CNOT6: variants seen among roughly 807,000 people sequenced by gnomAD.
CNOT6 encodes carbon catabolite repression 4 protein.
Under a neutral mutation model 61.2 loss-of-function variants are expected in CNOT6, and 12 were observed. The observed-to-expected ratio is 0.20, with a 90% CI of 0.13 to 0.32. The LOEUF (loss-of-function observed/expected upper bound fraction) is 0.32. Among genes scored for constraint, CNOT6 ranks in the 10% least tolerant of loss-of-function variants. The pLI is 1.00. For missense variants in CNOT6, 405 were observed against 663.9 expected (o/e 0.61, Z 4.28); for synonymous variants, 225 against 240.6 (o/e 0.94, Z 0.60).
Position 180,567,045 on chromosome 5 carries a change from A to AT in CNOT6, c.718-38dup, listed in dbSNP as rs1760502312. 1.9e-6 allele frequency: 3 copies of AT among 1,556,906 alleles called. No homozygotes were observed. In the East Asian group the frequency reaches 6.8e-5, roughly 35 times the overall value. On this transcript the variant is annotated intron_variant, in intron 7 of 11. Transcript: ENST00000261951. ...TACATAGAAGTTAATATGCAGACTA[A>AT]TTTTTGTCTTATGAAATAACTGTGC...
In CNOT6 at chr5:180,574,557, G is replaced by A. The variant is rs559539969; in HGVS notation, c.*357G>A. On this transcript the variant is annotated 3_prime_UTR_variant, in exon 12 of 12. Transcript: ENST00000261951. ...AAATCTGTAGCACTGCTTTTTTGAGGCCAGTAGCAACATCCAGAGATCATT... is the reference window on the plus strand; with the variant it reads ...AAATCTGTAGCACTGCTTTTTTGAGACCAGTAGCAACATCCAGAGATCATT... 1 of 265,672 alleles carries A rather than the reference G, an allele frequency of 3.8e-6. No homozygotes were observed. 16.5% of individuals were successfully genotyped at this position (265,672 alleles called of 1,614,324 possible).
At chr5:180,500,532 G>T (rs1756827255) in intron 1 of CNOT6, among the ~76,000 whole-genome samples, 1 of 151,686 alleles carries the variant, frequency 6.6e-6, no homozygotes, top group Non-Finnish European at 1.5e-5. Flanking sequence ...CCGCCTCCCG[G>T]GTTCACGCCA....
At position 180,565,917 on chromosome 5, in the gene CNOT6, C is replaced by T; in HGVS notation, c.657C>T (p.Tyr219=). Residue 219 remains tyrosine, a synonymous_variant, in exon 7 of 12, where the codon TAC becomes TAT. Coordinates refer to ENST00000261951, the MANE Select transcript of CNOT6 (RefSeq NM_001370472.1). The part of the protein sequence containing the change: ...YCPSWALNWD[Y]RKKAIIQEIL... ...CATCATGGGCGCTAAACTGGGACTACAGGAAAAAGGCCATTATTCAAGAAA... is the reference window on the plus strand; with the variant it reads ...CATCATGGGCGCTAAACTGGGACTATAGGAAAAAGGCCATTATTCAAGAAA... The T allele has an allele frequency of 1.2e-6, 2 of 1,613,824 alleles. No individual in the cohort carries two copies. Among genetic ancestry groups the T allele is most frequent in the South Asian group, 1.1e-5 (1 of 91,030 alleles).
At chr5:180,533,331 TATATATA>T (rs201902107) in intron 2 of CNOT6, among the ~76,000 whole-genome samples, 24,856 of 119,714 alleles carry the variant, frequency 0.21, 2,526 homozygotes, top group Non-Finnish European at 0.25. Context: ...TATATATATA[TATATATA>T]TATATCACCG....
intron 1 of CNOT6, among the ~76,000 whole-genome samples, chr5:180,527,599 G>T (rs1758158898): frequency 1.3e-5 from 2 of 152,162 alleles, no homozygotes; most frequent in Admixed American, 1.3e-4. Flanking sequence ...AGAGAGGCTG[G>T]ATTTGATTCA....
At chr5:180,562,462 C>G (rs376859851) in intron 4 of CNOT6, among the ~76,000 whole-genome samples, 3 of 152,052 alleles carry the variant, frequency 2.0e-5, no homozygotes, top group Non-Finnish European at 4.4e-5. Flanking sequence ...AAGTCCTGGC[C>G]GGGCGCGGTG....
chr5:180,558,333 T>C (rs11249726), intron 4 of CNOT6, among the ~76,000 whole-genome samples: 72,011 of 151,488 alleles, frequency 0.48, 17,966 homozygotes, highest in Non-Finnish European at 0.56. Context: ...GAATGGAGAG[T>C]CTGGTGCAGG....
chr5:180,500,469 ACT>A (rs1561628417), intron 1 of CNOT6, among the ~76,000 whole-genome samples: 2 of 138,524 alleles, frequency 1.4e-5, no homozygotes, highest in African/African-American at 5.6e-5. Context: ...ATGGAGTCTC[ACT>A]CTGTTGCCCA....
Position 180,502,343 on chromosome 5 carries a change from C to T in CNOT6, c.-3+7580C>T, listed in dbSNP as rs73812320. Among the ~76,000 whole-genome samples the T allele has an allele frequency of 3.7e-3, 558 of 152,254 alleles. 3 individuals are homozygous for T. Among genetic ancestry groups the T allele is most frequent in the African/African-American group, 0.012 (502 of 41,538 alleles). On this transcript the variant is annotated intron_variant, in intron 1 of 11. Transcript: ENST00000261951. ...TATCTGATGTAAAATCATAATATTA[C>T]AATTTTCAGCCTTCAGTTACTAGAA...
At chr5:180,562,739 CA>C (rs905066923) in intron 4 of CNOT6, among the ~76,000 whole-genome samples, 8 of 146,676 alleles carry the variant, frequency 5.5e-5, no homozygotes, top group East Asian at 2.0e-4. Flanking sequence ...GACTCCATCT[CA>C]AAAAAAAAAT....
chr5:180,553,397 TA>T lies in CNOT6; in HGVS notation c.314del (p.Asn105IlefsTer21), dbSNP rs1233060593. 6.2e-7 allele frequency: 1 copy of T among 1,613,420 alleles called. No homozygotes were observed. Among genetic ancestry groups the T allele is most frequent in the Non-Finnish European group, 8.5e-7 (1 of 1,179,640 alleles). On this transcript the variant is annotated frameshift_variant, in exon 4 of 12. Coordinates refer to ENST00000261951, the MANE Select transcript of CNOT6 (RefSeq NM_001370472.1). LOFTEE classifies it high-confidence loss of function. ...GNMVSLRELH[L>X]NNNLLRVLPF... is the part of the protein sequence containing the mutation. ...TTTTACATCAACAGGGAGCTCCATTTAAATAACAACCTGTTACGAGTTCTAC... is the reference window on the plus strand; with the variant it reads ...TTTTACATCAACAGGGAGCTCCATTTAATAACAACCTGTTACGAGTTCTAC...
intron 4 of CNOT6, among the ~76,000 whole-genome samples, chr5:180,555,041 T>G (rs1334890306): frequency 6.6e-6 from 1 of 151,868 alleles, no homozygotes; most frequent in Non-Finnish European, 1.5e-5. Context: ...GAGTCTCTTG[T>G]CGCCCAGGCT....
chr5:180,569,100 T>C lies in CNOT6; in HGVS notation c.1028-10T>C. On this transcript the variant is annotated splice_polypyrimidine_tract_variant and intron_variant, in intron 9 of 11. Transcript: ENST00000261951. Reference sequence around the variant, plus strand: ...TGTCTCTTTCTTTGTTTCGTTTTTATCTAATGTAGCCGGAAAGCCACATCT... The same window carrying C: ...TGTCTCTTTCTTTGTTTCGTTTTTACCTAATGTAGCCGGAAAGCCACATCT... The C allele has an allele frequency of 5.0e-6, 8 of 1,602,226 alleles. No homozygotes were observed. The highest frequency in any genetic ancestry group is 6.8e-6 in the Non-Finnish European group (8 of 1,170,190).
chr5:180,525,576 C>T (rs1433369570), intron 1 of CNOT6, among the ~76,000 whole-genome samples: 2 of 151,706 alleles, frequency 1.3e-5, no homozygotes, highest in African/African-American at 4.8e-5. Context: ...TTCCTGTCAG[C>T]AGGGAGGCAG....
chr5:180,496,857 C>T (rs971717587), intron 1 of CNOT6, among the ~76,000 whole-genome samples: 1 of 152,092 alleles, frequency 6.6e-6, no homozygotes, highest in African/African-American at 2.4e-5. Context: ...CTCTTGAATG[C>T]CTGTTCAATT....
chr5:180,530,558 TTTC>T (rs1354967238), intron 2 of CNOT6, among the ~76,000 whole-genome samples: 9 of 145,832 alleles, frequency 6.2e-5, no homozygotes, highest in Admixed American at 1.4e-4. Flanking sequence ...CCTCTTCTGA[TTTC>T]TTTTTTTTTT....
intron 2 of CNOT6, 140 bp downstream of exon 2, chr5:180,529,528 A>G: frequency 1.6e-6 from 1 of 642,806 alleles, no homozygotes; most frequent in Non-Finnish European, 2.8e-6. Flanking sequence ...GTATTTTAGT[A>G]ACTTATCTTA....
chr5:180,500,617 T>C (rs961386363), intron 1 of CNOT6, among the ~76,000 whole-genome samples: 1 of 152,128 alleles, frequency 6.6e-6, no homozygotes, highest in African/African-American at 2.4e-5. Context: ...ATGCACGTTT[T>C]CAAAACAAGT....
intron 4 of CNOT6, among the ~76,000 whole-genome samples, chr5:180,560,201 T>A (rs982819237): frequency 1.3e-5 from 2 of 152,096 alleles, no homozygotes; most frequent in African/African-American, 4.8e-5. Flanking sequence ...CACTTCGCCC[T>A]CCCAAAGTGC....
Sources: allele counts gnomAD v4.1 joint callset (sites outside exome capture counted in the v4.1 genomes callset), GRCh38; gene constraint gnomAD v4.1.1; transcripts MANE v1.5; gene names NCBI Gene and HGNC (gene_info 2026-07-23, HGNC 2026-07-21).